PRKDC: variants seen among roughly 807,000 people sequenced by gnomAD.
PRKDC encodes the protein DNA-dependent protein kinase catalytic subunit.
In PRKDC, 82 loss-of-function variants were observed where a neutral mutation model predicts 486.9. The ratio of observed to expected loss-of-function variants is 0.17; its 90% CI spans 0.14 to 0.20. The LOEUF is 0.20. Ranked by LOEUF, PRKDC falls within the 10% of genes least tolerant of loss-of-function variation. The pLI, the probability that PRKDC is intolerant of heterozygous loss-of-function variation, is 1.00. For missense variants in PRKDC, 4,504 were observed against 5,038.2 expected (o/e 0.89, Z 3.21); for synonymous variants, 1,895 against 1,837.0 (o/e 1.03, Z -0.81).
chr8:47,780,153 G>A (rs1008623945), intron 80 of PRKDC, among the ~76,000 whole-genome samples: 6 of 151,966 alleles, frequency 3.9e-5, no homozygotes, highest in East Asian at 1.9e-4. Flanking sequence ...GACCTCAGGC[G>A]ATCCGCCCAC....
intron 19 of PRKDC, 130 bp downstream of exon 19, chr8:47,928,962 T>C (rs1459509291): frequency 5.5e-6 from 4 of 727,724 alleles, no homozygotes; most frequent in Non-Finnish European, 9.1e-6. Context: ...AGTGCTGGGA[T>C]TAAGGGCATG....
In PRKDC at chr8:47,900,761, A is replaced by AT. The variant is rs552968703; in HGVS notation, c.3270-295dup. 3.9e-3 allele frequency among the ~76,000 whole-genome samples: 600 copies of AT among 151,958 alleles called. 4 individuals carry two copies. Among genetic ancestry groups the AT allele is most frequent in the South Asian group, 0.025 (118 of 4,796 alleles). On this transcript the variant is annotated intron_variant, in intron 27 of 85. Coordinates refer to ENST00000314191, the MANE Select transcript of PRKDC (RefSeq NM_006904.7). ...CTACTCGGGAGGCTGAGGCAGGAGA[A>AT]TGGCATGAACCCGGGAGGTGGAGCT...
intron 19 of PRKDC, 30 bp from the exon 20 acceptor site, chr8:47,927,920 T>C (rs934076914): frequency 1.4e-5 from 20 of 1,466,044 alleles, no homozygotes; most frequent in Admixed American, 7.8e-5. Context: ...GTAATGTATA[T>C]CTGAATAGAG....
At chr8:47,775,822 C>CTT (rs377519551) in intron 85 of PRKDC, among the ~76,000 whole-genome samples, 14 of 138,600 alleles carry the variant, frequency 1.0e-4, no homozygotes, top group Non-Finnish European at 1.3e-4. Flanking sequence ...ACTCCTATTC[C>CTT]TTTTTTTTTT....
At chr8:47,921,505 A>C (rs2090070917) in intron 21 of PRKDC, among the ~76,000 whole-genome samples, 1 of 152,260 alleles carries the variant, frequency 6.6e-6, no homozygotes, top group South Asian at 2.1e-4. Flanking sequence ...ATGAAAAGGC[A>C]CAATTTTTGT....
At chr8:47,896,728 T>C (rs903962090) in intron 30 of PRKDC, among the ~76,000 whole-genome samples, 1 of 151,362 alleles carries the variant, frequency 6.6e-6, no homozygotes, top group Non-Finnish European at 1.5e-5. Context: ...TCTCCACACA[T>C]GGCACAGGGC....
intron 59 of PRKDC, among the ~76,000 whole-genome samples, chr8:47,832,820 A>T (rs899762668): frequency 2.0e-5 from 3 of 152,358 alleles, no homozygotes; most frequent in Non-Finnish European, 4.4e-5. Context: ...AGAAAAACAG[A>T]CTGAAACGGA....
At chr8:47,832,153 G>A (rs2087899047) in intron 59 of PRKDC, among the ~76,000 whole-genome samples, 1 of 152,256 alleles carries the variant, frequency 6.6e-6, no homozygotes, top group Non-Finnish European at 1.5e-5. Context: ...GGCCCAGGGA[G>A]GGCACGCAGC....
chr8:47,825,900 T>C (rs1266746808), intron 63 of PRKDC, among the ~76,000 whole-genome samples: 1 of 152,232 alleles, frequency 6.6e-6, no homozygotes, highest in African/African-American at 2.4e-5. Context: ...TCCTACTAGA[T>C]TGCTAGTTTT....
intron 76 of PRKDC, among the ~76,000 whole-genome samples, chr8:47,787,382 T>A (rs1290566402): frequency 6.6e-6 from 1 of 152,262 alleles, no homozygotes; most frequent in Non-Finnish European, 1.5e-5. Flanking sequence ...TTTTCAATTC[T>A]TAGAAAGATT....
At chr8:47,835,942 T>C (rs548882810) in intron 58 of PRKDC, among the ~76,000 whole-genome samples, 5 of 152,164 alleles carry the variant, frequency 3.3e-5, no homozygotes, top group South Asian at 4.1e-4. Context: ...ATTTGTAAAA[T>C]TGTTTTGTAG....
At chr8:47,799,182 A>G in intron 72 of PRKDC, 28 bp downstream of exon 72, 1 of 1,612,832 alleles carries the variant, frequency 6.2e-7, no homozygotes. Flanking sequence ...GACATAATGG[A>G]ACACTAGCTT....
intron 54 of PRKDC, among the ~76,000 whole-genome samples, chr8:47,846,415 CAAA>C (rs200554979): frequency 1.0e-4 from 6 of 59,686 alleles, no homozygotes; most frequent in Admixed American, 1.7e-4. Flanking sequence ...GACTCTGCCT[CAAA>C]AAAAAAAAAA....
At chr8:47,935,395 G>A (rs2090331785) in intron 13 of PRKDC, among the ~76,000 whole-genome samples, 1 of 151,994 alleles carries the variant, frequency 6.6e-6, no homozygotes, top group African/African-American at 2.4e-5. Context: ...AGCTACTCTG[G>A]AAGCTGAGGC....
chr8:47,910,997 T>A (rs1002772062), intron 25 of PRKDC, among the ~76,000 whole-genome samples: 2 of 152,220 alleles, frequency 1.3e-5, no homozygotes, highest in Non-Finnish European at 2.9e-5. Flanking sequence ...TTAGAGTTTA[T>A]CAGCTGATAT....
At chr8:47,935,208 C>T (rs2154503759) in intron 13 of PRKDC, 150 bp from the exon 14 acceptor site, 1 of 660,040 alleles carries the variant, frequency 1.5e-6, no homozygotes, top group Non-Finnish European at 2.5e-6. Context: ...AATTTTAAAA[C>T]TTAAAACTAT....
rs747735487 is a variant in PRKDC, at chr8:47,929,163, T to A, written c.2068A>T (p.Ser690Cys). 19 of 1,573,922 alleles carry A rather than the reference T, an allele frequency of 1.2e-5. No homozygotes were observed. In the South Asian group the frequency reaches 2.2e-4, roughly 18 times the overall value. The change falls in exon 19 of 86, where the codon AGT becomes TGT. Residue 690 changes from serine (S) to cysteine (C), a missense_variant. This residue lies in a region of PRKDC where 1,969 missense variants were observed against 2,068.9 expected (regional missense o/e 0.95). Transcript: ENST00000314191. ...GGGTCTTCAGGAGAGTGTTTCAGAC[T>A]CTTTGGACTAACTCCCTGTCAAATA... ...IKYFEGVSPK[S>C]LKHSPEDPEK...
intron 22 of PRKDC, among the ~76,000 whole-genome samples, chr8:47,917,659 A>G (rs1481687455): frequency 1.3e-5 from 2 of 152,220 alleles, no homozygotes; most frequent in Non-Finnish European, 2.9e-5. Flanking sequence ...TGATAATATG[A>G]CATATTTAAG....
At chr8:47,912,261 A>T in intron 25 of PRKDC, 149 bp downstream of exon 25, 1 of 825,666 alleles carries the variant, frequency 1.2e-6, no homozygotes, top group Non-Finnish European at 1.7e-6. Context: ...CATGCCCATG[A>T]CCAATTAAAC....
Sources: allele counts gnomAD v4.1 joint callset (sites outside exome capture counted in the v4.1 genomes callset), GRCh38; gene constraint gnomAD v4.1.1; regional missense constraint gnomAD v4.1.1; transcripts MANE v1.5; gene names NCBI Gene and HGNC (gene_info 2026-07-23, HGNC 2026-07-21).